CSAD: variants seen among roughly 807,000 people sequenced by gnomAD.
CSAD encodes P-selectin cytoplasmic tail-associated protein.
A neutral mutation model predicts 61.5 loss-of-function variants in CSAD; 47 were observed. The observed-to-expected ratio is 0.76, with a 90% CI of 0.60 to 0.97. CSAD has a LOEUF of 0.97. CSAD is among the 50% of genes least tolerant of loss of function. CSAD has a pLI of 0.00. For synonymous variants in CSAD, 245 were observed against 252.7 expected (o/e 0.97, Z 0.29); for missense variants, 611 against 643.6 (o/e 0.95, Z 0.55).
chr12:53,171,922 G>C lies in CSAD; in HGVS notation c.411C>G (p.Ala137=). The C allele has an allele frequency of 6.2e-7, 1 of 1,614,020 alleles. No individual in the cohort carries two copies. Among genetic ancestry groups the C allele is most frequent in the Non-Finnish European group, 8.5e-7 (1 of 1,179,976 alleles). Reference sequence around the variant, plus strand: ...CGTCCCCAGAGCTCCAGCCCACCAGGGCCCGCAGTTTCCTCAGCACCTCCT... The same window carrying C: ...CGTCCCCAGAGCTCCAGCCCACCAGCGCCCGCAGTTTCCTCAGCACCTCCT... ...MEEEVLRKLR[A]LVGWSSGDGI... The change falls in exon 7 of 17, where the codon GCC becomes GCG. Residue 137 remains alanine, a synonymous_variant. Transcript: ENST00000444623.
At chr12:53,165,620 G>A (rs538207609) in intron 10 of CSAD, among the ~76,000 whole-genome samples, 4 of 126,064 alleles carry the variant, frequency 3.2e-5, no homozygotes, top group South Asian at 2.6e-4. Flanking sequence ...CCGAGATCAC[G>A]ACACTGCACT....
rs543536381 is a variant in CSAD at position 53,169,050 on chromosome 12, C to A, written c.702+1022G>T. Among the ~76,000 whole-genome samples the A allele has an allele frequency of 2.0e-4, 31 of 151,972 alleles. 1 individual carries two copies. In the East Asian group the frequency reaches 6.0e-3, roughly 29 times the overall value. On this transcript the variant is annotated intron_variant, in intron 10 of 16. Transcript: ENST00000444623. ...CAAAAATTAGCCAGGCGTGTTGATG[C>A]ACACCTGTAATCCCAGCTACTCAGG...
intron 2 of CSAD, 51 bp from the exon 3 acceptor site, chr12:53,173,821 A>T: frequency 6.3e-7 from 1 of 1,585,692 alleles, no homozygotes; most frequent in Non-Finnish European, 8.6e-7. Flanking sequence ...AAAAGTGTAC[A>T]ATTAAGTGTT....
At chr12:53,172,213 A>G in intron 6 of CSAD, 133 bp downstream of exon 6, 2 of 926,240 alleles carry the variant, frequency 2.2e-6, no homozygotes, top group Non-Finnish European at 3.4e-6. Context: ...ATATGAGGAA[A>G]AACTCTCTGC....
chr12:53,170,152 A>T (rs1940389142), intron 9 of CSAD, 26 bp from the exon 10 acceptor site: 2 of 1,608,132 alleles, frequency 1.2e-6, no homozygotes, highest in East Asian at 4.5e-5. Context: ...CAGAGGGTAG[A>T]GCAGGGACAG....
intron 10 of CSAD, among the ~76,000 whole-genome samples, 168 bp from the exon 11 acceptor site, chr12:53,161,557 C>CA (rs1939283303): frequency 6.6e-6 from 1 of 151,804 alleles, no homozygotes; most frequent in South Asian, 2.1e-4. Context: ...CACTGAGATT[C>CA]AAAGATCCAA....
chr12:53,171,489 G>C (rs1314834734), intron 7 of CSAD, 48 bp from the exon 8 acceptor site: 9 of 1,575,924 alleles, frequency 5.7e-6, no homozygotes, highest in Non-Finnish European at 7.8e-6. Flanking sequence ...AGTGGGTCAA[G>C]ACTGGAGCTT....
intron 10 of CSAD, among the ~76,000 whole-genome samples, chr12:53,166,709 T>A (rs1355364584): frequency 6.6e-6 from 1 of 151,972 alleles, no homozygotes; most frequent in East Asian, 1.9e-4. Flanking sequence ...GGCACGAGAA[T>A]CGCTTGAACC....
Position 53,161,129 on chromosome 12 carries a change from C to G in CSAD, c.882G>C (p.Gln294His). 1 of 1,614,058 alleles carries G rather than the reference C, an allele frequency of 6.2e-7. No homozygotes were observed. The highest frequency in any genetic ancestry group is 8.5e-7 in the Non-Finnish European group (1 of 1,179,926). The change falls in exon 12 of 17, where the codon CAG (glutamine) becomes CAC (histidine). Residue 294 changes from glutamine (Q) to histidine (H), a missense_variant and splice_region_variant. Transcript: ENST00000444623. Reference sequence around the variant, plus strand: ...GGGAAGAAGGGGACTGTATGCACCTCTGGATCCCATCCAGGAGATGCCTGT... The same window carrying G: ...GGGAAGAAGGGGACTGTATGCACCTGTGGATCCCATCCAGGAGATGCCTGT... The part of the protein sequence containing the change: ...QTHRHLLDGI[Q>H]RADSVAWNPH...
chr12:53,168,392 T>C (rs1000846807), intron 10 of CSAD, among the ~76,000 whole-genome samples: 1 of 152,204 alleles, frequency 6.6e-6, no homozygotes, highest in African/African-American at 2.4e-5. Flanking sequence ...ATGTGAATTA[T>C]ATATCAATAA....
At chr12:53,173,920 G>T in intron 2 of CSAD, 150 bp from the exon 3 acceptor site, 1 of 727,304 alleles carries the variant, frequency 1.4e-6, no homozygotes, top group Non-Finnish European at 2.3e-6. Flanking sequence ...CTCAGTAGCA[G>T]TCATTTCCCA....
chr12:53,169,364 A>G (rs1940283659), intron 10 of CSAD, among the ~76,000 whole-genome samples: 1 of 151,848 alleles, frequency 6.6e-6, no homozygotes, highest in African/African-American at 2.4e-5. Context: ...CTATAATCCC[A>G]GCTACTTGGG....
rs1262291668 is a variant in CSAD at position 53,171,864 on chromosome 12, C to T, written c.451+18G>A. 3 of 1,553,314 alleles carry T rather than the reference C, an allele frequency of 1.9e-6. No homozygotes were observed. The highest frequency in any genetic ancestry group is 2.7e-6 in the Non-Finnish European group (3 of 1,125,592). ...CTCATAAAAAGGGCAAAGAAAGGTC[C>T]TCCTCCTTCTCACAAACCAGGGCAG... On this transcript the variant is annotated intron_variant, in intron 7 of 16. Coordinates refer to ENST00000444623, the MANE Select transcript of CSAD (RefSeq NM_001244705.2).
chr12:53,181,003 A>G, upstream of CSAD: 1 of 847,396 alleles, frequency 1.2e-6, no homozygotes. Context: ...CCGTGCGCGC[A>G]CACCGCCCCC....
chr12:53,173,060 TA>T (rs779528963), intron 4 of CSAD, among the ~76,000 whole-genome samples: 3 of 151,788 alleles, frequency 2.0e-5, no homozygotes, highest in Non-Finnish European at 4.4e-5. Flanking sequence ...ATACAAAAAT[TA>T]GCCGGGCGTG....
At chr12:53,172,272 C>T (rs978455178) in intron 6 of CSAD, 74 bp downstream of exon 6, 19 of 1,311,796 alleles carry the variant, frequency 1.4e-5, no homozygotes, top group Non-Finnish European at 1.4e-5. Flanking sequence ...CCATTCTCCT[C>T]CCCTACCCCT....
chr12:53,175,997 T>C (rs183985660), intron 2 of CSAD, among the ~76,000 whole-genome samples: 1 of 152,232 alleles, frequency 6.6e-6, no homozygotes, highest in African/African-American at 2.4e-5. Flanking sequence ...CCTCTTCCAC[T>C]GCATCACAGG....
chr12:53,170,875 C>A (rs2121512629), intron 8 of CSAD: 1 of 377,420 alleles, frequency 2.6e-6, no homozygotes, highest in South Asian at 2.2e-5. Context: ...TGCCCACCAC[C>A]ATGCCTGGCT....
At chr12:53,163,473 C>G (rs1939546144) in intron 10 of CSAD, among the ~76,000 whole-genome samples, 1 of 152,120 alleles carries the variant, frequency 6.6e-6, no homozygotes, top group Admixed American at 6.5e-5. Flanking sequence ...AGATCACAAA[C>G]TCTTCCAAAA....
Sources: allele counts gnomAD v4.1 joint callset (sites outside exome capture counted in the v4.1 genomes callset), GRCh38; gene constraint gnomAD v4.1.1; transcripts MANE v1.5; gene names NCBI Gene and HGNC (gene_info 2026-07-23, HGNC 2026-07-21).